UBE2E2: variants seen among roughly 807,000 people sequenced by gnomAD.
UBE2E2 encodes the protein ubiquitin conjugating enzyme E2 E2, also known as ubiquitin-conjugating enzyme E2 E2.
UBE2E2 carries 6 observed loss-of-function variants against 24.7 expected under a neutral mutation model. That is an observed-to-expected ratio of 0.24 (90% CI 0.13 to 0.48). UBE2E2 has a LOEUF of 0.48. UBE2E2 is among the 20% of genes least tolerant of loss of function. The pLI, the probability that UBE2E2 is intolerant of heterozygous loss-of-function variation, is 0.99. For synonymous variants in UBE2E2, 104 were observed against 83.6 expected (o/e 1.24, Z -1.33); for missense variants, 169 against 245.0 (o/e 0.69, Z 2.07).
intron 3 of UBE2E2, among the ~76,000 whole-genome samples, chr3:23,231,056 C>A (rs1248883026): frequency 6.6e-6 from 1 of 152,112 alleles, no homozygotes; most frequent in East Asian, 1.9e-4. Flanking sequence ...TTTAGAGGAA[C>A]TGAAAATGAA....
chr3:23,570,560 A>C (rs1463192994), intron 5 of UBE2E2, among the ~76,000 whole-genome samples: 1 of 152,206 alleles, frequency 6.6e-6, no homozygotes, highest in African/African-American at 2.4e-5. Context: ...AATAATTTAT[A>C]AATTATAAAA....
intron 3 of UBE2E2, among the ~76,000 whole-genome samples, chr3:23,304,347 C>T (rs981830869): frequency 6.6e-6 from 1 of 152,006 alleles, no homozygotes; most frequent in Admixed American, 6.6e-5. Context: ...TTTTCATCTC[C>T]AGGCTTTATA....
intron 5 of UBE2E2, among the ~76,000 whole-genome samples, chr3:23,564,292 T>G (rs1339382122): frequency 6.6e-6 from 1 of 152,148 alleles, no homozygotes; most frequent in African/African-American, 2.4e-5. Context: ...ATATTTACAT[T>G]GGAAACAAAT....
intron 3 of UBE2E2, among the ~76,000 whole-genome samples, chr3:23,488,892 C>G (rs1385709750): frequency 6.6e-6 from 1 of 152,192 alleles, no homozygotes; most frequent in Non-Finnish European, 1.5e-5. Context: ...TCTGGAAGCC[C>G]TGAGTACCTT....
At chr3:23,234,901 T>C (rs534968278) in intron 3 of UBE2E2, among the ~76,000 whole-genome samples, 1 of 152,298 alleles carries the variant, frequency 6.6e-6, no homozygotes, top group African/African-American at 2.4e-5. Flanking sequence ...AAATAGCAGA[T>C]AAAATTATAT....
intron 3 of UBE2E2, among the ~76,000 whole-genome samples, chr3:23,395,676 C>G (rs1697056744): frequency 1.3e-5 from 2 of 152,104 alleles, no homozygotes; most frequent in Admixed American, 1.3e-4. Flanking sequence ...CCAGAATCTT[C>G]TTTAATTTCT....
chr3:23,268,314 C>G (rs1334046479), intron 3 of UBE2E2, among the ~76,000 whole-genome samples: 4 of 150,386 alleles, frequency 2.7e-5, no homozygotes, highest in Non-Finnish European at 4.5e-5. Context: ...ACCCCATTGT[C>G]TCAGCCCAAA....
At chr3:23,234,713 C>T (rs901029764) in intron 3 of UBE2E2, among the ~76,000 whole-genome samples, 16 of 152,102 alleles carry the variant, frequency 1.1e-4, no homozygotes, top group South Asian at 4.1e-4. Context: ...GAATAAATGT[C>T]TCTTTCTAAG....
intron 3 of UBE2E2, among the ~76,000 whole-genome samples, chr3:23,390,883 G>A (rs1025174335): frequency 6.6e-6 from 1 of 151,974 alleles, no homozygotes; most frequent in Non-Finnish European, 1.5e-5. Flanking sequence ...TGCTTTTGGC[G>A]TTCATGCTTA....
chr3:23,456,578 C>G (rs1698684479), intron 3 of UBE2E2, among the ~76,000 whole-genome samples: 1 of 152,222 alleles, frequency 6.6e-6, no homozygotes, highest in South Asian at 2.1e-4. Flanking sequence ...CACCAGAGCT[C>G]TTCGGTGACC....
chr3:23,369,042 G>A (rs1696333439), intron 3 of UBE2E2, among the ~76,000 whole-genome samples: 1 of 152,168 alleles, frequency 6.6e-6, no homozygotes, highest in African/African-American at 2.4e-5. Context: ...TTTTATAGCT[G>A]CAGAAACTGG....
intron 5 of UBE2E2, among the ~76,000 whole-genome samples, chr3:23,553,101 T>C (rs1559419484): frequency 2.9e-5 from 1 of 34,748 alleles, no homozygotes; most frequent in African/African-American, 1.5e-4. Context: ...GAGAGAGAAA[T>C]AGAAATTTTC....
At chr3:23,422,118 ATATT>A (rs560620689) in intron 3 of UBE2E2, among the ~76,000 whole-genome samples, 1 of 152,290 alleles carries the variant, frequency 6.6e-6, no homozygotes, top group East Asian at 1.9e-4. Flanking sequence ...TTAATTATAA[ATATT>A]TATATTCCAA....
At chr3:23,450,290 T>G (rs941144714) in intron 3 of UBE2E2, among the ~76,000 whole-genome samples, 11 of 152,188 alleles carry the variant, frequency 7.2e-5, no homozygotes, top group Non-Finnish European at 1.3e-4. Flanking sequence ...AAATGTTCTC[T>G]CTCTGTGCTT....
At chr3:23,269,161 A>G (rs901187059) in intron 3 of UBE2E2, among the ~76,000 whole-genome samples, 1 of 152,232 alleles carries the variant, frequency 6.6e-6, no homozygotes, top group Non-Finnish European at 1.5e-5. Context: ...TTCATGTCTA[A>G]AACACCAAAA....
Position 23,284,800 on chromosome 3 carries a change from T to C in UBE2E2, c.227+67488T>C, listed in dbSNP as rs566820699. On this transcript the variant is annotated intron_variant, in intron 3 of 5. Coordinates refer to ENST00000396703, the MANE Select transcript of UBE2E2 (RefSeq NM_152653.4). ...TCAGAGTAAATGTGGTATCCATCAC[T>C]TGAAGCATTTATCCTTTGTGTTTCA... 2.2e-3 allele frequency among the ~76,000 whole-genome samples: 332 copies of C among 151,918 alleles called. 3 individuals carry two copies. Among genetic ancestry groups the C allele is most frequent in the Non-Finnish European group, 3.9e-3 (263 of 67,952 alleles).
chr3:23,217,520 G>A (rs866200059), intron 3 of UBE2E2, among the ~76,000 whole-genome samples: 3 of 152,070 alleles, frequency 2.0e-5, no homozygotes, highest in Non-Finnish European at 4.4e-5. Context: ...TGGTTGAACG[G>A]AGTTGCCAAA....
Position 23,203,452 on chromosome 3 carries a change from A to AC in UBE2E2, c.-13dup, listed in dbSNP as rs111458483. 0.62 allele frequency: 572,749 copies of AC among 930,638 alleles called. 170,515 individuals are homozygous for AC. The highest frequency in any genetic ancestry group is 0.74 in the Admixed American group (10,433 of 14,036). The allele number at this position is 930,638 out of a possible 1,614,324, so 57.6% of individuals were successfully genotyped here. ...GCTCGAGCCTGCGACCTGCACGGAC[A>AC]CCCCCCCCTCAGGTATTCGCTCGGG... is the stretch of plus-strand genomic sequence containing the variant. On this transcript the variant is annotated 5_prime_UTR_variant, in exon 1 of 6. Coordinates refer to ENST00000396703, the MANE Select transcript of UBE2E2 (RefSeq NM_152653.4).
chr3:23,577,437 A>C (rs1017631387), intron 5 of UBE2E2, among the ~76,000 whole-genome samples: 6 of 152,170 alleles, frequency 3.9e-5, no homozygotes, highest in African/African-American at 1.4e-4. Context: ...CTAATCCAGC[A>C]TAAGGCCGTA....
Sources: allele counts gnomAD v4.1 joint callset (sites outside exome capture counted in the v4.1 genomes callset), GRCh38; gene constraint gnomAD v4.1.1; transcripts MANE v1.5; gene names NCBI Gene and HGNC (gene_info 2026-07-23, HGNC 2026-07-21).